The following PTPRC variants were observed in gnomAD, a reference collection of about 807,000 sequenced individuals.
The protein encoded by PTPRC is protein tyrosine phosphatase receptor type C, also known as receptor-type tyrosine-protein phosphatase C.
PTPRC carries 44 observed loss-of-function variants against 155.9 expected under a neutral mutation model. The ratio of observed to expected loss-of-function variants is 0.28; its 90% CI spans 0.22 to 0.36. The LOEUF (loss-of-function observed/expected upper bound fraction) is 0.36. Among genes scored for constraint, PTPRC ranks in the 10% least tolerant of loss-of-function variants. The pLI, the probability that PTPRC is intolerant of heterozygous loss-of-function variation, is 1.00. For missense variants in PTPRC, 1,401 were observed against 1,564.6 expected, an observed-to-expected ratio of 0.90 and a Z score of 1.76; for synonymous variants, 525 against 533.1, an observed-to-expected ratio of 0.98 and a Z score of 0.21.
At position 198,738,609 on chromosome 1, in the gene PTPRC, CT is replaced by C. The variant is rs112064365; in HGVS notation, c.2404-3252del. ...ATCAGGGATATTGACCGGTAGTTTT[CT>C]TTTTTTTGATGTGTCTTTGTCTGGT... On this transcript the variant is annotated intron_variant, in intron 23 of 32. Transcript: ENST00000442510. 1.4e-3 allele frequency among the ~76,000 whole-genome samples: 213 copies of C among 151,464 alleles called. 1 individual carries two copies. The highest frequency in any genetic ancestry group is 4.9e-3 in the African/African-American group (203 of 41,404).
chr1:198,673,322 A>G (rs1355919863), intron 2 of PTPRC, among the ~76,000 whole-genome samples: 1 of 152,080 alleles, frequency 6.6e-6, no homozygotes, highest in Non-Finnish European at 1.5e-5. Context: ...GTGGATTCAA[A>G]TTTTTCTCAG....
At chr1:198,660,729 A>G (rs1281188060) in intron 2 of PTPRC, 1 of 152,122 alleles carries the variant, frequency 6.6e-6, no homozygotes, top group Non-Finnish European at 1.5e-5. Flanking sequence ...TCCATTATGA[A>G]ATCTAAGTAA....
chr1:198,656,769 A>G (rs576342438), intron 2 of PTPRC, among the ~76,000 whole-genome samples: 8 of 151,712 alleles, frequency 5.3e-5, no homozygotes, highest in African/African-American at 1.4e-4. Context: ...GAACAAGGAA[A>G]CTTTAGTTGC....
chr1:198,663,822 A>G (rs1219447167), intron 2 of PTPRC, among the ~76,000 whole-genome samples: 1 of 152,180 alleles, frequency 6.6e-6, no homozygotes, highest in East Asian at 1.9e-4. Flanking sequence ...GAAAATAAAC[A>G]TTATTGAATA....
At chr1:198,674,074 T>C (rs1049395018) in intron 2 of PTPRC, among the ~76,000 whole-genome samples, 2 of 152,220 alleles carry the variant, frequency 1.3e-5, no homozygotes, top group Non-Finnish European at 2.9e-5. Flanking sequence ...TTATGTATTT[T>C]GACTAAACCC....
intron 32 of PTPRC, among the ~76,000 whole-genome samples, chr1:198,755,479 G>A (rs963357127): frequency 2.6e-5 from 4 of 152,016 alleles, no homozygotes; most frequent in Admixed American, 6.6e-5. Flanking sequence ...AATGTAGTGA[G>A]TAAAATGACA....
In PTPRC at chr1:198,757,110, T is replaced by TTCA. The variant is rs1346818824; in HGVS notation, c.*931_*933dup. On this transcript the variant is annotated 3_prime_UTR_variant, in exon 33 of 33. Coordinates refer to ENST00000442510, the MANE Select transcript of PTPRC (RefSeq NM_002838.5). ...TAATATAGCTATTTTTATGGAATTT[T>TTCA]TCATTGATATGAAAAATATGATATT... The TTCA allele has an allele frequency of 2.0e-5, 3 of 151,908 alleles. No individual in the cohort carries two copies. The highest frequency in any genetic ancestry group is 4.4e-5 in the Non-Finnish European group (3 of 67,840). The allele number at this position is 151,908 out of a possible 1,614,324, so 9.4% of individuals were successfully genotyped here.
intron 2 of PTPRC, among the ~76,000 whole-genome samples, chr1:198,672,910 A>G (rs1243231501): frequency 1.3e-5 from 2 of 152,166 alleles, no homozygotes; most frequent in Non-Finnish European, 2.9e-5. Flanking sequence ...CTCTATAATA[A>G]TTCCTGTCAC....
chr1:198,640,705 C>T (rs1320355966), intron 2 of PTPRC, among the ~76,000 whole-genome samples: 1 of 151,878 alleles, frequency 6.6e-6, no homozygotes, highest in African/African-American at 2.4e-5. Flanking sequence ...AATTCCCACT[C>T]AGGAAATGTC....
chr1:198,734,517 T>C, intron 22 of PTPRC, 92 bp downstream of exon 22: 1 of 1,059,390 alleles, frequency 9.4e-7, no homozygotes, highest in Non-Finnish European at 1.5e-6. Context: ...ATCTGCCTGA[T>C]GACTAAAACA....
intron 13 of PTPRC, 57 bp from the exon 14 acceptor site, chr1:198,718,037 T>G: frequency 7.3e-7 from 1 of 1,377,556 alleles, no homozygotes; most frequent in Non-Finnish European, 1.0e-6. Context: ...TATTGTCAAG[T>G]AATTTACATA....
At chr1:198,661,939 A>T (rs1219068825) in intron 2 of PTPRC, among the ~76,000 whole-genome samples, 3 of 152,142 alleles carry the variant, frequency 2.0e-5, no homozygotes, top group Non-Finnish European at 1.5e-5. Flanking sequence ...CTTGGATTTC[A>T]ATTTCATTTA....
intron 28 of PTPRC, 78 bp downstream of exon 28, chr1:198,749,627 C>T (rs889324952): frequency 3.8e-5 from 53 of 1,401,558 alleles, no homozygotes; most frequent in Non-Finnish European, 4.1e-5. Context: ...ATTCATTAAG[C>T]GATTTTATAA....
rs12065873 is a variant in PTPRC at position 198,707,410 on chromosome 1, G to T, written c.904+458G>T. On this transcript the variant is annotated intron_variant, in intron 9 of 32. Transcript: ENST00000442510. ...AGGAAGGTTATGGTCATGTTAGTGA[G>T]ATCAAGTTGGTTTTGTCAGCTAAGC... 4.6e-5 allele frequency among the ~76,000 whole-genome samples: 7 copies of T among 151,772 alleles called. No individual in the cohort carries two copies. The East Asian group carries it at 1.3e-3, about 29-fold the overall frequency.
At chr1:198,716,630 G>A in intron 12 of PTPRC, 52 bp from the exon 13 acceptor site, 2 of 1,496,952 alleles carry the variant, frequency 1.3e-6, no homozygotes, top group Non-Finnish European at 1.9e-6. Flanking sequence ...TTAGGTACGT[G>A]GTAGTACTGA....
chr1:198,692,493 T>G (rs763011531), intron 3 of PTPRC, 120 bp downstream of exon 3: 14 of 1,127,034 alleles, frequency 1.2e-5, no homozygotes, highest in Non-Finnish European at 1.6e-5. Context: ...TTTATAATCA[T>G]GAGTGATTCT....
At chr1:198,676,832 ATTTCT>A (rs528640002) in intron 2 of PTPRC, among the ~76,000 whole-genome samples, 149 of 152,268 alleles carry the variant, frequency 9.8e-4, no homozygotes, top group African/African-American at 3.4e-3. Flanking sequence ...CATAACTCAG[ATTTCT>A]TTTCTTCTTT....
At chr1:198,744,537 T>C (rs1655053730) in intron 26 of PTPRC, among the ~76,000 whole-genome samples, 1 of 151,868 alleles carries the variant, frequency 6.6e-6, no homozygotes, top group African/African-American at 2.4e-5. Context: ...ATATCACCTT[T>C]AAAAATCGTA....
chr1:198,672,420 C>CT (rs894389273), intron 2 of PTPRC, among the ~76,000 whole-genome samples: 3 of 151,988 alleles, frequency 2.0e-5, no homozygotes, highest in East Asian at 1.9e-4. Flanking sequence ...GTTCGAGTTC[C>CT]TTTTTTTTCT....
Sources: allele counts gnomAD v4.1 joint callset (sites outside exome capture counted in the v4.1 genomes callset), GRCh38; gene constraint gnomAD v4.1.1; transcripts MANE v1.5; gene names NCBI Gene and HGNC (gene_info 2026-07-23, HGNC 2026-07-21).